Variants in FAM83G observed in about 807,000 individuals in gnomAD.
The protein encoded by FAM83G is scaffolding CK1 anchoring protein G.
In FAM83G, 38 loss-of-function variants were observed where a neutral mutation model predicts 61.5. That is an observed-to-expected ratio of 0.62 (90% CI 0.48 to 0.81). The LOEUF (loss-of-function observed/expected upper bound fraction) is 0.81. Ranked by LOEUF, FAM83G falls within the 30% of genes least tolerant of loss-of-function variation. FAM83G has a pLI of 0.00. For missense variants in FAM83G, 989 were observed against 1,133.6 expected, an observed-to-expected ratio of 0.87 and a Z score of 1.83; for synonymous variants, 470 against 476.1, an observed-to-expected ratio of 0.99 and a Z score of 0.17.
chr17:19,004,045 G>A lies in FAM83G; in HGVS notation c.-4C>T. The A allele has an allele frequency of 6.3e-7, 1 of 1,578,498 alleles. No individual in the cohort carries two copies. The highest frequency in any genetic ancestry group is 8.6e-7 in the Non-Finnish European group (1 of 1,160,010). ...ACTGCACCTGAGAGAAGGCCATGGC[G>A]CCGCCTGCCCGGGCACTGCTGCCGG... On this transcript the variant is annotated 5_prime_UTR_variant, in exon 2 of 6. Coordinates refer to ENST00000388995, the MANE Select transcript of FAM83G (RefSeq NM_001039999.3). The surrounding 1 kb of genome is among the most constrained non-coding windows in gnomAD (Gnocchi z 5.4).
In FAM83G at chr17:19,004,219, CG is replaced by C. The variant is rs2152143930; in HGVS notation, c.-128-51del. 1 of 120,834 alleles carries C rather than the reference CG, an allele frequency of 8.3e-6. No homozygotes were observed. The highest frequency in any genetic ancestry group is 2.8e-4 in the East Asian group (1 of 3,556). The allele number at this position is 120,834 out of a possible 1,614,324, so 7.5% of individuals were successfully genotyped here. A position where few individuals can be genotyped will look rare whatever the true frequency, so the allele number is the denominator to read the frequency against. On this transcript the variant is annotated intron_variant, in intron 1 of 5. Coordinates refer to ENST00000388995, the MANE Select transcript of FAM83G (RefSeq NM_001039999.3). This position sits in a 1 kb window ranked among gnomAD's most constrained non-coding sequence, Gnocchi z 5.4. ...GGCTCGGCGGGGAGGGCGGGCCGCG[CG>C]GGGAGGGGCGGCGGGGGCGGGGCCG...
chr17:18,978,955 C>T, intron 4 of FAM83G, 105 bp from the exon 5 acceptor site: 1 of 1,327,418 alleles, frequency 7.5e-7, no homozygotes, highest in Non-Finnish European at 1.0e-6. Flanking sequence ...CCACAGGGCC[C>T]TGGGATCAAG....
chr17:18,998,706 C>G (rs1028400365), intron 2 of FAM83G, among the ~76,000 whole-genome samples: 2 of 152,238 alleles, frequency 1.3e-5, no homozygotes, highest in African/African-American at 4.8e-5. Context: ...CTTTGGAGCG[C>G]ACAGGAGTTA....
In FAM83G at chr17:18,977,693, G is replaced by A; in HGVS notation, c.1973C>T (p.Thr658Ile). Residue 658 changes from threonine to isoleucine, a missense_variant, in exon 5 of 6, where the codon ACC becomes ATC. Physicochemically the swap from Thr to Ile is moderately conservative, Grantham distance 89. Around this residue, in one of 3 missense-constraint regions of FAM83G, gnomAD observed 574 missense variants for 645.1 expected, o/e 0.89. Coordinates refer to ENST00000388995, the MANE Select transcript of FAM83G (RefSeq NM_001039999.3). Reference protein sequence around the residue: ...QLSAPHITRGTFVGPQGGSPW... With the variant: ...QLSAPHITRGIFVGPQGGSPW... ...GGAGCCACCCTGGGGTCCAACAAAG[G>A]TCCCTCGGGTTATATGGGGGGCACT... 6.2e-7 allele frequency: 1 copy of A among 1,610,506 alleles called. No homozygotes were observed. The highest frequency in any genetic ancestry group is 8.5e-7 in the Non-Finnish European group (1 of 1,179,702).
chr17:19,000,723 G>A lies in FAM83G; in HGVS notation c.522+2797C>T, dbSNP rs2043709335. ...CCAGGCAGAGGGATCCCCATCCTAG[G>A]CAGGGGGCAGGCAGAGTTCTCCCTA... is the stretch of plus-strand genomic sequence containing the variant. On this transcript the variant is annotated intron_variant, in intron 2 of 5. Coordinates refer to ENST00000388995, the MANE Select transcript of FAM83G (RefSeq NM_001039999.3). The surrounding 1 kb of genome is among the most constrained non-coding windows in gnomAD (Gnocchi z 5.2). Among the ~76,000 whole-genome samples, 1 of 152,184 alleles carries A rather than the reference G, an allele frequency of 6.6e-6. No individual in the cohort carries two copies. The highest frequency in any genetic ancestry group is 6.5e-5 in the Admixed American group (1 of 15,280).
At position 18,991,556 on chromosome 17, in the gene FAM83G, A is replaced by C. The variant is rs531020080; in HGVS notation, c.523-3142T>G. On this transcript the variant is annotated intron_variant, in intron 2 of 5. Transcript: ENST00000388995. ...GACCAGCTCTACCTGCTGTTATGTCAGGGGCCACACTGGGCAGGAGGCGGG... is the reference window on the plus strand; with the variant it reads ...GACCAGCTCTACCTGCTGTTATGTCCGGGGCCACACTGGGCAGGAGGCGGG... Among the ~76,000 whole-genome samples, 6 of 152,270 alleles carry C rather than the reference A, an allele frequency of 3.9e-5. 1 individual carries two copies. In the South Asian group the frequency reaches 1.2e-3, roughly 32 times the overall value.
At position 19,004,244 on chromosome 17, in the gene FAM83G, C is replaced by G. The variant is rs939713256; in HGVS notation, c.-128-75G>C. 8.9e-6 allele frequency: 3 copies of G among 338,886 alleles called. No individual in the cohort carries two copies. Among genetic ancestry groups the G allele is most frequent in the Non-Finnish European group, 1.6e-5 (3 of 186,954 alleles). 21.0% of individuals were successfully genotyped at this position (338,886 alleles called of 1,614,324 possible). On this transcript the variant is annotated intron_variant, in intron 1 of 5. Coordinates refer to ENST00000388995, the MANE Select transcript of FAM83G (RefSeq NM_001039999.3). The surrounding 1 kb of genome is among the most constrained non-coding windows in gnomAD (Gnocchi z 5.4). ...CGGGGAGGGGCGGCGGGGGCGGGGCCGGGAACTCAGGTGGGCGTGGGAAGG... is the reference window on the plus strand; with the variant it reads ...CGGGGAGGGGCGGCGGGGGCGGGGCGGGGAACTCAGGTGGGCGTGGGAAGG...
In FAM83G at chr17:18,970,733, G is replaced by A. The variant is rs1207643117; in HGVS notation, c.*626C>T. On this transcript the variant is annotated 3_prime_UTR_variant, in exon 6 of 6. Coordinates refer to ENST00000388995, the MANE Select transcript of FAM83G (RefSeq NM_001039999.3). ...GCCGATGAGTGTCCAGAGGCCAACA[G>A]TGACTCCTGCTGGGCCAGCGGGACA... The A allele has an allele frequency of 2.1e-6, 1 of 474,314 alleles. No homozygotes were observed. The highest frequency in any genetic ancestry group is 2.4e-5 in the South Asian group (1 of 41,032). The allele number at this position is 474,314 out of a possible 1,614,324, so 29.4% of individuals were successfully genotyped here.
Position 18,971,541 on chromosome 17 carries a change from C to T in FAM83G, c.2290G>A (p.Ala764Thr), listed in dbSNP as rs1366256889. ...TCGGTCATGGGGCGGGCATTTTGGG[C>T]CAGTCTTGGGCTGCCGGGATCCGGA... Reference protein sequence around the residue: ...LLPDPGSPRLAQNARPMTDGR... With the variant: ...LLPDPGSPRLTQNARPMTDGR... The change falls in exon 6 of 6, where the codon GCC (alanine) becomes ACC (threonine). Residue 764 changes from alanine to threonine, a missense_variant. Ala to Thr is a moderately conservative substitution (Grantham distance 58). Transcript: ENST00000388995. This position sits in a 1 kb window ranked among gnomAD's most constrained non-coding sequence, Gnocchi z 5.5. 4 of 1,613,792 alleles carry T rather than the reference C, an allele frequency of 2.5e-6. No homozygotes were observed. The Admixed American group carries it at 6.7e-5, about 27-fold the overall frequency.
At chr17:18,979,482 A>C (rs988996542) in intron 4 of FAM83G, 67 bp downstream of exon 4, 3 of 1,583,758 alleles carry the variant, frequency 1.9e-6, no homozygotes, top group Non-Finnish European at 2.6e-6. Flanking sequence ...GGTTAGGATT[A>C]AGGGCAGAAG....
Position 18,978,841 on chromosome 17 carries a change from C to T in FAM83G, c.825G>A (p.Trp275Ter). 1 of 1,611,728 alleles carries T rather than the reference C, an allele frequency of 6.2e-7. No individual in the cohort carries two copies. The highest frequency in any genetic ancestry group is 1.1e-5 in the South Asian group (1 of 91,076). ...RAVCGSYSFTWSAARTDRNVI... is the reference protein window; with the variant it reads ...RAVCGSYSFT ...CATTCCGGTCCGTCCGCGCGGCCGA[C>T]CACGTGAAGCTGCAACAGAGGGAGG... The change falls in exon 5 of 6, where the codon TGG becomes TGA. Residue 275 changes from tryptophan to a stop codon, truncating the protein, a stop_gained. Transcript: ENST00000388995. LOFTEE classifies it high-confidence loss of function.
At chr17:18,998,296 A>C (rs999084873) in intron 2 of FAM83G, among the ~76,000 whole-genome samples, 4 of 152,206 alleles carry the variant, frequency 2.6e-5, no homozygotes, top group African/African-American at 9.6e-5. Context: ...ACAAGGCCTG[A>C]TCCCCATTTT....
In FAM83G at chr17:18,971,383, G is replaced by A; in HGVS notation, c.2448C>T (p.Ala816=). ...ASSDSKRRAQ[A]PRDRKDP The stretch of plus-strand genomic sequence containing the variant: ...GCTAGGGGTCTTTGCGGTCCCGGGG[G>A]GCTTGAGCCCTCCGTTTAGAATCCG... The change falls in exon 6 of 6, where the codon GCC becomes GCT. Residue 816 remains alanine, a synonymous_variant. Transcript: ENST00000388995. The surrounding 1 kb of genome is among the most constrained non-coding windows in gnomAD (Gnocchi z 5.5). 2 of 1,613,522 alleles carry A rather than the reference G, an allele frequency of 1.2e-6. No homozygotes were observed. The highest frequency in any genetic ancestry group is 2.2e-5 in the East Asian group (1 of 44,872).
At chr17:18,976,853 G>A (rs760047028) in intron 5 of FAM83G, 1 of 1,613,242 alleles carries the variant, frequency 6.2e-7, no homozygotes, top group East Asian at 2.2e-5. Context: ...TCCACCCCCA[G>A]GTCATCGTGC....
chr17:18,977,332 G>A, intron 5 of FAM83G: 1 of 583,110 alleles, frequency 1.7e-6, no homozygotes, highest in Non-Finnish European at 3.0e-6. Context: ...ACCTCTAGGT[G>A]GGGAAACGTG....
rs2042777362 is a variant in FAM83G, at chr17:18,969,217, C to T, written c.*2142G>A. On this transcript the variant is annotated 3_prime_UTR_variant, in exon 6 of 6. Transcript: ENST00000388995. ...GACGTGTAAAGGGGTCAGAAGGCCA[C>T]CTCCCCCTACAGGCCCGAGGGAGCA... The T allele has an allele frequency of 6.3e-7, 1 of 1,587,006 alleles. No homozygotes were observed. Among genetic ancestry groups the T allele is most frequent in the Admixed American group, 1.7e-5 (1 of 58,636 alleles).
rs927685663 is a variant in FAM83G at position 18,969,579 on chromosome 17, G to A, written c.*1780C>T. ...AGGAGGTTGAGCCACTAGGCAGTCA[G>A]CCCCCCTGCTGGCCCCTCAGGGACT... On this transcript the variant is annotated 3_prime_UTR_variant, in exon 6 of 6. Coordinates refer to ENST00000388995, the MANE Select transcript of FAM83G (RefSeq NM_001039999.3). The A allele has an allele frequency of 5.2e-5, 33 of 635,562 alleles. No individual in the cohort carries two copies. The highest frequency in any genetic ancestry group is 9.2e-5 in the African/African-American group (5 of 54,476). 39.4% of individuals were successfully genotyped at this position (635,562 alleles called of 1,614,324 possible). A position where few individuals can be genotyped will look rare whatever the true frequency, so the allele number is the denominator to read the frequency against.
rs576923262 is a variant in FAM83G at position 18,973,767 on chromosome 17, G to A, written c.2083-2019C>T. 5.3e-5 allele frequency among the ~76,000 whole-genome samples: 8 copies of A among 151,798 alleles called. No homozygotes were observed. The South Asian group carries it at 6.3e-4, about 12-fold the overall frequency. On this transcript the variant is annotated intron_variant, in intron 5 of 5. Transcript: ENST00000388995. ...GGCTGGAGTGCAGTGGCACCATCTC[G>A]GCTCACTGCAACCTCCGCCTCCTGG...
intron 2 of FAM83G, 104 bp from the exon 3 acceptor site, chr17:18,988,518 G>T: frequency 9.1e-6 from 14 of 1,545,064 alleles, no homozygotes; most frequent in Non-Finnish European, 1.2e-5. Flanking sequence ...CCTCTCACAG[G>T]TGCCCACTCT....
Sources: allele counts gnomAD v4.1 joint callset (sites outside exome capture counted in the v4.1 genomes callset), GRCh38; gene constraint gnomAD v4.1.1; regional missense constraint gnomAD v4.1.1; non-coding constraint Gnocchi (gnomAD v3.1); transcripts MANE v1.5; gene names NCBI Gene and HGNC (gene_info 2026-07-23, HGNC 2026-07-21).